The following SLC10A3 variants were observed in gnomAD, a reference collection of about 807,000 sequenced individuals.
SLC10A3 encodes the protein P3 protein.
SLC10A3 carries 1 observed loss-of-function variant against 1.9 expected under a neutral mutation model. The ratio of observed to expected loss-of-function variants is 0.52; its 90% confidence interval spans 0.19 to 2.48. The LOEUF (loss-of-function observed/expected upper bound fraction) is 2.48, where lower values mean the gene tolerates loss of function less well. Among genes scored for constraint, SLC10A3 ranks in the 30% most tolerant of loss-of-function variants. The probability of loss-of-function intolerance (pLI) is 0.25; values close to 1 mark genes in which losing one functional copy is unlikely to be tolerated. For missense variants in SLC10A3, 317 were observed against 398.5 expected (o/e 0.80, Z 1.74); for synonymous variants, 202 against 189.3 (o/e 1.07, Z -0.55).
At chrX:154,489,199 G>A in intron 1 of SLC10A3, 117 bp from the exon 2 acceptor site, 3 of 1,130,484 alleles carry the variant, frequency 2.7e-6, no homozygotes, top group Non-Finnish European at 3.5e-6. Flanking sequence ...CAGGAGCATG[G>A]GGATCTGGAA....
chrX:154,489,883 C>G (rs890221927), intron 1 of SLC10A3: 3 of 1,006,627 alleles, frequency 3.0e-6, no homozygotes, highest in Non-Finnish European at 3.9e-6. Context: ...CGGCGAGCCT[C>G]CCCTATCCCT....
Position 154,488,386 on chromosome X carries a change from G to A in SLC10A3, c.555C>T (p.Ala185=). The change falls in exon 2 of 2, where the codon GCC becomes GCT. Residue 185 remains alanine (A), a synonymous_variant. Transcript: ENST00000651600. ...AGAGGATTGGGTTTTCCGAGAAGTGGGCCAGGTCGGCGCTGAGGGTGGCAG... is the reference window on the plus strand; with the variant it reads ...AGAGGATTGGGTTTTCCGAGAAGTGAGCCAGGTCGGCGCTGAGGGTGGCAG... ...DTPATLSADL[A]HFSENPILYL... is the part of the protein sequence containing the mutation. 8.3e-7 allele frequency: 1 copy of A among 1,211,524 alleles called. No homozygotes were observed. The highest frequency in any genetic ancestry group is 1.1e-6 in the Non-Finnish European group (1 of 895,449).
rs782223472 is a variant in SLC10A3 at position 154,488,378 on chromosome X, G to C, written c.563C>G (p.Ser188Trp). The change falls in exon 2 of 2, where the codon TCG becomes TGG. Residue 188 changes from serine to tryptophan, a missense_variant. Transcript: ENST00000651600. ...ATLSADLAHF[S>W]ENPILYLLLP... The stretch of plus-strand genomic sequence containing the variant: ...GAGCAGGTAGAGGATTGGGTTTTCC[G>C]AGAAGTGGGCCAGGTCGGCGCTGAG... The C allele has an allele frequency of 8.3e-7, 1 of 1,211,722 alleles. No homozygotes were observed. Among genetic ancestry groups the C allele is most frequent in the South Asian group, 1.8e-5 (1 of 57,034 alleles).
Position 154,487,949 on chromosome X carries a change from G to C in SLC10A3, c.992C>G (p.Ala331Gly), listed in dbSNP as rs1557213497. ...CAGCACGCCCACGGCTATGGGGATG[G>C]CAATGAACAGCAGGGTCCCCAGGAT... Reference protein sequence around the residue: ...SKILGTLLFIAIPIAVGVLIK... With the variant: ...SKILGTLLFIGIPIAVGVLIK... The change falls in exon 2 of 2, where the codon GCC becomes GGC. Residue 331 changes from alanine to glycine, a missense_variant. Physicochemically the swap from Ala to Gly is moderately conservative, Grantham distance 60. Transcript: ENST00000651600. 8.3e-7 allele frequency: 1 copy of C among 1,211,308 alleles called. No individual in the cohort carries two copies. The highest frequency in any genetic ancestry group is 1.1e-6 in the Non-Finnish European group (1 of 895,242).
At chrX:154,489,954 G>T in intron 1 of SLC10A3, 1 of 1,079,255 alleles carries the variant, frequency 9.3e-7, no homozygotes, top group South Asian at 2.5e-5. Flanking sequence ...TGGAGGCCTT[G>T]GTCCAGCCAT....
At chrX:154,489,982 A>C (rs2069363305) in intron 1 of SLC10A3, 1 of 1,065,662 alleles carries the variant, frequency 9.4e-7, no homozygotes, top group East Asian at 3.7e-5. Context: ...ACCTCTGAAG[A>C]GGGAGGCAGG....
Position 154,488,578 on chromosome X carries a change from A to G in SLC10A3, c.363T>C (p.Ser121=). ...DTEVLTIKNV[S]AITWGGGGGF... ...CACCCCCGCCTCCCCAGGTTATAGC[A>G]CTCACGTTCTTGATGGTCAGCACCT... The change falls in exon 2 of 2, where the codon AGT becomes AGC. Residue 121 remains serine (S), a synonymous_variant. Coordinates refer to ENST00000651600, the MANE Select transcript of SLC10A3 (RefSeq NM_019848.5). The G allele has an allele frequency of 5.0e-6, 6 of 1,209,753 alleles. No homozygotes were observed. The highest frequency in any genetic ancestry group is 6.7e-6 in the Non-Finnish European group (6 of 894,723).
intron 1 of SLC10A3, chrX:154,489,624 C>CT (rs2069358788): frequency 1.3e-6 from 1 of 752,617 alleles, no homozygotes; most frequent in Non-Finnish European, 1.6e-6. Flanking sequence ...GCAACACCCC[C>CT]TTCCACTTCT....
Position 154,488,196 on chromosome X carries a change from TGAA to T in SLC10A3, c.742_744del (p.Phe248del). 2 of 1,211,249 alleles carry T rather than the reference TGAA, an allele frequency of 1.7e-6. No individual in the cohort carries two copies. The highest frequency in any genetic ancestry group is 2.2e-5 in the Admixed American group (1 of 46,068). ...CCCAGAGCCAGGGCCTTGGGCAGCA[TGAA>T]GACCTTGGCCATGAGGAAAGCGTAC... is the stretch of plus-strand genomic sequence containing the variant. On this transcript the variant is annotated inframe_deletion, in exon 2 of 2. Coordinates refer to ENST00000651600, the MANE Select transcript of SLC10A3 (RefSeq NM_019848.5).
In SLC10A3 at chrX:154,490,444, C is replaced by T. The variant is rs2069369010; in HGVS notation, c.-280G>A. ...TCTCGGAGTCTGGGGGGGCCCCTTA[C>T]GCCATTCCTGGGCCCCGCGGCCCCG... On this transcript the variant is annotated 5_prime_UTR_variant, in exon 1 of 2. Transcript: ENST00000651600. 1.5e-6 allele frequency: 1 copy of T among 652,568 alleles called. No homozygotes were observed. 53.8% of individuals were successfully genotyped at this position (652,568 alleles called of 1,213,427 possible). A position where few individuals can be genotyped will look rare whatever the true frequency, so the allele number is the denominator to read the frequency against.
chrX:154,490,197 C>T, intron 1 of SLC10A3, 110 bp downstream of exon 1: 2 of 910,826 alleles, frequency 2.2e-6, no homozygotes, highest in Non-Finnish European at 2.7e-6. Flanking sequence ...CTTGAGGGGC[C>T]GACAGAGTTT....
Position 154,488,431 on chromosome X carries a change from G to A in SLC10A3, c.510C>T (p.Val170=). 8.3e-7 allele frequency: 1 copy of A among 1,211,119 alleles called. No individual in the cohort carries two copies. Among genetic ancestry groups the A allele is most frequent in the Non-Finnish European group, 1.1e-6 (1 of 895,066 alleles). Residue 170 remains valine (V), a synonymous_variant, in exon 2 of 2, where the codon GTC becomes GTT. Coordinates refer to ENST00000651600, the MANE Select transcript of SLC10A3 (RefSeq NM_019848.5). ...IEERRDFCIK[V]SPAEDTPATL... Reference sequence around the variant, plus strand: ...TGGCAGGCGTGTCTTCAGCAGGTGAGACCTTGATGCAGAAGTCTCTCCGCT... The same window carrying A: ...TGGCAGGCGTGTCTTCAGCAGGTGAAACCTTGATGCAGAAGTCTCTCCGCT...
chrX:154,488,073 G>A lies in SLC10A3; in HGVS notation c.868C>T (p.Leu290Phe). 3 of 1,211,403 alleles carry A rather than the reference G, an allele frequency of 2.5e-6. No homozygotes were observed. The highest frequency in any genetic ancestry group is 3.4e-6 in the Non-Finnish European group (3 of 895,384). Residue 290 changes from leucine (L) to phenylalanine (F), a missense_variant, in exon 2 of 2, where the codon CTC becomes TTC. Coordinates refer to ENST00000651600, the MANE Select transcript of SLC10A3 (RefSeq NM_019848.5). ...AAGCCAGTGGCAGCCACCGTAGAGA[G>A]GAAAGTCATGGAGATGGCCAGGGTG... ...DVTLAISMTF[L>F]STVAATGFLP...
At position 154,488,199 on chromosome X, in the gene SLC10A3, A is replaced by T; in HGVS notation, c.742T>A (p.Phe248Ile). 1.7e-6 allele frequency: 2 copies of T among 1,211,601 alleles called. No homozygotes were observed. The highest frequency in any genetic ancestry group is 2.2e-6 in the Non-Finnish European group (2 of 895,471). ...PLYAFLMAKV[F>I]MLPKALALGL... ...AGAGCCAGGGCCTTGGGCAGCATGA[A>T]GACCTTGGCCATGAGGAAAGCGTAC... Residue 248 changes from phenylalanine to isoleucine, a missense_variant, in exon 2 of 2, where the codon TTC becomes ATC. Physicochemically the swap from Phe to Ile is conservative, Grantham distance 21. Coordinates refer to ENST00000651600, the MANE Select transcript of SLC10A3 (RefSeq NM_019848.5).
At position 154,490,290 on chromosome X, in the gene SLC10A3, CAG is replaced by C. The variant is rs2069366931; in HGVS notation, c.-143+15_-143+16del. 1 of 811,675 alleles carries C rather than the reference CAG, an allele frequency of 1.2e-6. No individual in the cohort carries two copies. Among genetic ancestry groups the C allele is most frequent in the African/African-American group, 2.2e-5 (1 of 46,198 alleles). The allele number at this position is 811,675 out of a possible 1,213,427, so 66.9% of individuals were successfully genotyped here. A position where few individuals can be genotyped will look rare whatever the true frequency, so the allele number is the denominator to read the frequency against. ...TGTTCGGGGTAACTGGCAGTGCTAA[CAG>C]GGGCTCCTCCCTACCTGGGAGTCCG... On this transcript the variant is annotated intron_variant, in intron 1 of 1. Coordinates refer to ENST00000651600, the MANE Select transcript of SLC10A3 (RefSeq NM_019848.5).
chrX:154,489,161 C>T, intron 1 of SLC10A3, 79 bp from the exon 2 acceptor site: 1 of 1,153,877 alleles, frequency 8.7e-7, no homozygotes, highest in East Asian at 3.3e-5. Flanking sequence ...ATGTGTCTTA[C>T]CTCTGAAGAG....
Position 154,488,976 on chromosome X carries a change from C to G in SLC10A3, c.-36G>C. The G allele has an allele frequency of 8.5e-7, 1 of 1,178,467 alleles. No individual in the cohort carries two copies. Among genetic ancestry groups the G allele is most frequent in the Non-Finnish European group, 1.1e-6 (1 of 878,597 alleles). On this transcript the variant is annotated 5_prime_UTR_variant, in exon 2 of 2. Transcript: ENST00000651600. ...GGAGGACGGATGGCGTGCCCAGGCC[C>G]TCTGCGGCTTAGGAGAACATCCCCA...
At chrX:154,489,275 C>G (rs1487780680) in intron 1 of SLC10A3, 193 bp from the exon 2 acceptor site, 1 of 753,161 alleles carries the variant, frequency 1.3e-6, no homozygotes, top group Non-Finnish European at 1.6e-6. Context: ...AGAGGCAATG[C>G]CTAGTGATGG....
In SLC10A3 at chrX:154,488,789, C is replaced by G; in HGVS notation, c.152G>C (p.Ser51Thr). The G allele has an allele frequency of 3.3e-6, 4 of 1,210,819 alleles. No individual in the cohort carries two copies. The highest frequency in any genetic ancestry group is 4.5e-6 in the Non-Finnish European group (4 of 894,685). ...TGGCACGGTGTGACCCCCAGCAGTG[C>G]TGAGGCTGGTGCTGGCTGTCCCTTG... ...GAQGTASTSL[S>T]TAGGHTVPPT... is the part of the protein sequence containing the mutation. The change falls in exon 2 of 2, where the codon AGC becomes ACC. Residue 51 changes from serine to threonine, a missense_variant. Transcript: ENST00000651600.
Sources: allele counts gnomAD v4.1 joint callset, GRCh38; gene constraint gnomAD v4.1.1; transcripts MANE v1.5; gene names NCBI Gene and HGNC (gene_info 2026-07-23, HGNC 2026-07-21).